The following RBL1 variants were observed in gnomAD, a reference collection of about 807,000 sequenced individuals.
RBL1 encodes retinoblastoma-like protein 1.
RBL1 carries 82 observed loss-of-function variants against 123.0 expected under a neutral mutation model. That is an observed-to-expected ratio of 0.67 (90% CI 0.56 to 0.80). RBL1 has a LOEUF of 0.80. Among genes scored for constraint, RBL1 ranks in the 30% least tolerant of loss-of-function variants. The pLI, the probability that RBL1 is intolerant of heterozygous loss-of-function variation, is 0.00. For missense variants in RBL1, 1,171 were observed against 1,299.6 expected, an observed-to-expected ratio of 0.90 and a Z score of 1.52; for synonymous variants, 405 against 441.3, an observed-to-expected ratio of 0.92 and a Z score of 1.03.
At chr20:37,062,390 T>G in intron 7 of RBL1, 120 bp from the exon 8 acceptor site, 1 of 1,433,492 alleles carries the variant, frequency 7.0e-7, no homozygotes. Flanking sequence ...TTTTATTAAC[T>G]CTGACCATCT....
chr20:37,000,104 G>A (rs920724198), intron 21 of RBL1, among the ~76,000 whole-genome samples: 40 of 148,460 alleles, frequency 2.7e-4, no homozygotes, highest in Non-Finnish European at 5.3e-4. Context: ...CTGCCCTGCT[G>A]CCCCGTCTGG....
intron 8 of RBL1, among the ~76,000 whole-genome samples, chr20:37,061,549 T>C (rs1340256041): frequency 2.0e-5 from 3 of 152,240 alleles, no homozygotes; most frequent in Non-Finnish European, 2.9e-5. Context: ...TAAAAACTTA[T>C]TTCAGTTGAC....
At position 37,061,092 on chromosome 20, in the gene RBL1, A is replaced by G; in HGVS notation, c.1250+11T>C. On this transcript the variant is annotated intron_variant, in intron 9 of 21. Transcript: ENST00000373664. ...AAAAGACATTTGGAAAAATAACAGT[A>G]TTGTACATACTCAAAAATATTTATA... is the stretch of plus-strand genomic sequence containing the variant. 6.3e-7 allele frequency: 1 copy of G among 1,589,718 alleles called. No homozygotes were observed. The highest frequency in any genetic ancestry group is 1.3e-5 in the African/African-American group (1 of 74,282).
In RBL1 at chr20:37,058,115, T is replaced by TA. The variant is rs766773271; in HGVS notation, c.1251-1858dup. ...TGGGCAACAAGGGCGAAACTCTGTC[T>TA]AAAAAAAAAAAAAACAAAACAAAAC... On this transcript the variant is annotated intron_variant, in intron 9 of 21. Transcript: ENST00000373664. Among the ~76,000 whole-genome samples, 267 of 78,314 alleles carry TA rather than the reference T, an allele frequency of 3.4e-3. 6 individuals are homozygous for TA. Among genetic ancestry groups the TA allele is most frequent in the South Asian group, 0.016 (38 of 2,440 alleles). 51.4% of individuals were successfully genotyped at this position (78,314 alleles called of 152,430 possible). A position where few individuals can be genotyped will look rare whatever the true frequency, so the allele number is the denominator to read the frequency against.
intron 9 of RBL1, among the ~76,000 whole-genome samples, chr20:37,056,477 C>T (rs2065009526): frequency 6.6e-6 from 1 of 151,462 alleles, no homozygotes. Context: ...GTCTCAACCT[C>T]CCAAGTAGCT....
chr20:37,095,969 T>A lies in RBL1; in HGVS notation c.-41A>T. 1 of 1,435,536 alleles carries A rather than the reference T, an allele frequency of 7.0e-7. No individual in the cohort carries two copies. 88.9% of individuals were successfully genotyped at this position (1,435,536 alleles called of 1,614,324 possible). On this transcript the variant is annotated 5_prime_UTR_variant, in exon 1 of 22. Transcript: ENST00000373664. ...GGGCTGCGCGCCACGGCCCCCGACT[T>A]CTTTCTCCCTCCCAGGCGCGCTACC... is the stretch of plus-strand genomic sequence containing the variant.
intron 2 of RBL1, among the ~76,000 whole-genome samples, chr20:37,088,782 G>C (rs1404375640): frequency 1.3e-5 from 2 of 151,954 alleles, no homozygotes; most frequent in Non-Finnish European, 2.9e-5. Flanking sequence ...AGAATCACTT[G>C]AACCCAGGAG....
At position 36,998,833 on chromosome 20, in the gene RBL1, G is replaced by T; in HGVS notation, c.3133C>A (p.Arg1045Ser). The change falls in exon 22 of 22, where the codon CGC (arginine) becomes AGC (serine). Residue 1045 changes from arginine to serine, a missense_variant. Arg to Ser is a moderately radical substitution (Grantham distance 110). Coordinates refer to ENST00000373664, the MANE Select transcript of RBL1 (RefSeq NM_002895.5). ...ACGTCATCATTTTCTTGACAGACGC[G>T]TTTGGCAGGGGATTCTGCATCACTA... ...IDSDAESPAK[R>S]VCQENDDVLL... 1 of 1,613,426 alleles carries T rather than the reference G, an allele frequency of 6.2e-7. No individual in the cohort carries two copies. Among genetic ancestry groups the T allele is most frequent in the Non-Finnish European group, 8.5e-7 (1 of 1,179,474 alleles).
intron 17 of RBL1, among the ~76,000 whole-genome samples, chr20:37,022,191 C>G (rs1192977168): frequency 6.6e-6 from 1 of 152,124 alleles, no homozygotes; most frequent in African/African-American, 2.4e-5. Context: ...ATGATTGTAT[C>G]AGATATATGA....
rs1003846033 is a variant in RBL1, at chr20:37,022,590, G to A, written c.2559+60C>T. The stretch of plus-strand genomic sequence containing the variant: ...TATCTGCTCACCTTGACCTCCGAAA[G>A]TGCTAGGATTATACGTGTGAGCCAC... On this transcript the variant is annotated intron_variant, in intron 17 of 21. Coordinates refer to ENST00000373664, the MANE Select transcript of RBL1 (RefSeq NM_002895.5). 49 of 1,474,436 alleles carry A rather than the reference G, an allele frequency of 3.3e-5. No homozygotes were observed. In the African/African-American group the frequency reaches 6.3e-4, roughly 19 times the overall value. 91.3% of individuals were successfully genotyped at this position (1,474,436 alleles called of 1,614,324 possible).
At chr20:37,042,358 A>G (rs2064743751) in intron 13 of RBL1, among the ~76,000 whole-genome samples, 1 of 152,188 alleles carries the variant, frequency 6.6e-6, no homozygotes, top group Non-Finnish European at 1.5e-5. Flanking sequence ...CACTCCTACT[A>G]GAATGGCAGG....
Position 37,067,141 on chromosome 20 carries a change from A to G in RBL1, c.557-20T>C, listed in dbSNP as rs760244698. On this transcript the variant is annotated intron_variant, in intron 4 of 21. Coordinates refer to ENST00000373664, the MANE Select transcript of RBL1 (RefSeq NM_002895.5). ...AATTACCTTTATAAGGGAAAAAAAA[A>G]AAAAAAAGACACAAAAACCAGAAAC... 1 of 1,572,020 alleles carries G rather than the reference A, an allele frequency of 6.4e-7. No individual in the cohort carries two copies. Among genetic ancestry groups the G allele is most frequent in the Admixed American group, 2.1e-5 (1 of 46,716 alleles).
chr20:37,089,298 A>T (rs1276362546), intron 1 of RBL1, among the ~76,000 whole-genome samples, 176 bp from the exon 2 acceptor site: 1 of 152,188 alleles, frequency 6.6e-6, no homozygotes, highest in East Asian at 1.9e-4. Flanking sequence ...TAATGGGTAT[A>T]AAACTCCTTA....
At chr20:37,079,219 A>AC (rs957534970) in intron 2 of RBL1, among the ~76,000 whole-genome samples, 2 of 151,750 alleles carry the variant, frequency 1.3e-5, no homozygotes, top group African/African-American at 4.8e-5. Flanking sequence ...AAAAAAAAAA[A>AC]AACCCTCAAA....
intron 21 of RBL1, among the ~76,000 whole-genome samples, chr20:37,001,702 C>A (rs1319586806): frequency 6.9e-6 from 1 of 145,168 alleles, no homozygotes; most frequent in Admixed American, 6.9e-5. Context: ...CCACTATTGT[C>A]CTGTGACCCT....
chr20:37,045,411 T>G (rs2146268572), intron 12 of RBL1, among the ~76,000 whole-genome samples: 1 of 151,816 alleles, frequency 6.6e-6, no homozygotes, highest in East Asian at 2.0e-4. Context: ...TGGCCCACAT[T>G]TATGTTTATG....
chr20:37,073,731 T>C (rs1466300240), intron 2 of RBL1, among the ~76,000 whole-genome samples: 3 of 100,580 alleles, frequency 3.0e-5, no homozygotes, highest in East Asian at 2.9e-4. Flanking sequence ...AAGAATACAC[T>C]ACTCAAGTTG....
Position 37,030,875 on chromosome 20 carries a change from C to A in RBL1, c.2382+1790G>T, listed in dbSNP as rs74832971. Among the ~76,000 whole-genome samples, 1,006 of 125,216 alleles carry A rather than the reference C, an allele frequency of 8.0e-3. 10 individuals are homozygous for A. Among genetic ancestry groups the A allele is most frequent in the African/African-American group, 0.027 (923 of 34,342 alleles). The allele number at this position is 125,216 out of a possible 152,430, so 82.1% of individuals were successfully genotyped here. On this transcript the variant is annotated intron_variant, in intron 16 of 21. Coordinates refer to ENST00000373664, the MANE Select transcript of RBL1 (RefSeq NM_002895.5). ...GTCTCAAAAAAAAAAAAAACAAAAA[C>A]AAAAAACCCAAAAAACGAAAATTAG...
intron 2 of RBL1, among the ~76,000 whole-genome samples, chr20:37,074,097 C>A (rs369309624): frequency 6.6e-6 from 1 of 151,660 alleles, no homozygotes; most frequent in African/African-American, 2.4e-5. Flanking sequence ...GGCAACAGAG[C>A]GAGACACTGT....
Sources: allele counts gnomAD v4.1 joint callset (sites outside exome capture counted in the v4.1 genomes callset), GRCh38; gene constraint gnomAD v4.1.1; transcripts MANE v1.5; gene names NCBI Gene and HGNC (gene_info 2026-07-23, HGNC 2026-07-21).